PLCH2: variants seen among roughly 807,000 people sequenced by gnomAD.
PLCH2 encodes the protein phospholipase C eta 2.
A neutral mutation model predicts 134.7 loss-of-function variants in PLCH2; 98 were observed. The observed-to-expected ratio is 0.73, with a 90% CI of 0.62 to 0.86. The LOEUF is 0.86. Ranked by LOEUF, PLCH2 falls within the 40% of genes least tolerant of loss-of-function variation. PLCH2 has a pLI of 0.00. For synonymous variants in PLCH2, 974 were observed against 827.5 expected, an observed-to-expected ratio of 1.18 and a Z score of -3.04; for missense variants, 1,994 against 1,986.6, an observed-to-expected ratio of 1.00 and a Z score of -0.07.
upstream of PLCH2, among the ~76,000 whole-genome samples, chr1:2,421,879 C>T (rs1248612334): frequency 5.9e-5 from 9 of 151,962 alleles, no homozygotes; most frequent in East Asian, 7.7e-4. Flanking sequence ...GAGGCTGAGG[C>T]GGGAGAATTG....
upstream of PLCH2, among the ~76,000 whole-genome samples, chr1:2,471,846 TC>T (rs1641339392): frequency 6.6e-6 from 1 of 151,992 alleles, no homozygotes; most frequent in Non-Finnish European, 1.5e-5. Context: ...TCCGGCCTGC[TC>T]CCCTGCCGAG....
At chr1:2,440,789 C>T (rs1050110771) in intron 2 of PLCH2, among the ~76,000 whole-genome samples, 114 of 152,362 alleles carry the variant, frequency 7.5e-4, no homozygotes, top group African/African-American at 2.7e-3. Flanking sequence ...ATTTGCGTTT[C>T]GGTTTTGGCT....
At position 2,439,313 on chromosome 1, in the gene PLCH2, A is replaced by G. The variant is rs1639580477; in HGVS notation, c.115+8684A>G. On this transcript the variant is annotated intron_variant, in intron 2 of 3. Coordinates refer to the PLCH2 transcript ENST00000609981. This position sits in a 1 kb window ranked among gnomAD's most constrained non-coding sequence, Gnocchi z 4.7. ...TGCAGCAAGGTGCCTGGGGGGTCTC[A>G]GAGCAGGAGGCTCAGCCCTGCCCAC... is the stretch of plus-strand genomic sequence containing the variant. 6.6e-6 allele frequency among the ~76,000 whole-genome samples: 1 copy of G among 152,144 alleles called. No individual in the cohort carries two copies.
chr1:2,435,558 A>C (rs1639289438), intron 2 of PLCH2, among the ~76,000 whole-genome samples: 1 of 152,056 alleles, frequency 6.6e-6, no homozygotes, highest in South Asian at 2.1e-4. Flanking sequence ...GGAAGGGGCC[A>C]GGGACCTCAA....
rs1040631890 is a variant in PLCH2, at chr1:2,499,339, C to T, written c.2581+109C>T. On this transcript the variant is annotated intron_variant, in intron 19 of 21. Transcript: ENST00000378486. ...CCTGTGTAGGTGGGCCTGCACCTGG[C>T]ACCAAAGAGACAGGAGCTGAGGACG... 4 of 1,301,788 alleles carry T rather than the reference C, an allele frequency of 3.1e-6. No individual in the cohort carries two copies. The African/African-American group carries it at 4.4e-5, about 14-fold the overall frequency. 80.6% of individuals were successfully genotyped at this position (1,301,788 alleles called of 1,614,324 possible).
upstream of PLCH2, among the ~76,000 whole-genome samples, chr1:2,471,634 C>A (rs1445326358): frequency 6.6e-6 from 1 of 152,216 alleles, no homozygotes; most frequent in Non-Finnish European, 1.5e-5. Flanking sequence ...GGAGCATGAG[C>A]CTGGCTGCTG....
chr1:2,459,658 C>T (rs28449350), intron 2 of PLCH2, among the ~76,000 whole-genome samples: 1,503 of 14,168 alleles, frequency 0.11, 76 homozygotes, highest in Non-Finnish European at 0.18. Flanking sequence ...TCCGGTGGTC[C>T]TCCTTGCCTG....
At position 2,502,734 on chromosome 1, in the gene PLCH2, G is replaced by A. The variant is rs548902336; in HGVS notation, c.2959+325G>A. On this transcript the variant is annotated intron_variant, in intron 21 of 21. Coordinates refer to ENST00000378486, the MANE Select transcript of PLCH2 (RefSeq NM_014638.4). ...GGGGCCTGGAGGCAGGGTCCAGGCGGTAGCGGCTCCATGTCCTCGGACTCC... is the reference window on the plus strand; with the variant it reads ...GGGGCCTGGAGGCAGGGTCCAGGCGATAGCGGCTCCATGTCCTCGGACTCC... The A allele has an allele frequency of 1.9e-4, 135 of 716,024 alleles. 1 individual carries two copies. In the South Asian group the frequency reaches 2.0e-3, roughly 10 times the overall value. 44.4% of individuals were successfully genotyped at this position (716,024 alleles called of 1,614,324 possible).
At chr1:2,457,578 G>A (rs1222824510) in intron 2 of PLCH2, among the ~76,000 whole-genome samples, 5 of 152,164 alleles carry the variant, frequency 3.3e-5, no homozygotes, top group African/African-American at 1.2e-4. Flanking sequence ...CACCCTGGGG[G>A]AGCGGCTGAG....
chr1:2,416,249 G>A, the PLCH2 span, among the ~76,000 whole-genome samples: 1 of 152,196 alleles, frequency 6.6e-6, no homozygotes. Context: ...GGTGGGCAAA[G>A]TGGGCGCTGG....
At chr1:2,488,362 A>G (rs1190955171) in intron 8 of PLCH2, among the ~76,000 whole-genome samples, 1 of 152,182 alleles carries the variant, frequency 6.6e-6, no homozygotes, top group African/African-American at 2.4e-5. Context: ...GGGAGGAGCC[A>G]GGGGCCTGCT....
intron 2 of PLCH2, among the ~76,000 whole-genome samples, chr1:2,458,451 ACTGGC>A (rs1391922373): frequency 1.3e-5 from 2 of 152,170 alleles, no homozygotes; most frequent in African/African-American, 4.8e-5. Flanking sequence ...CCCCTTGGGC[ACTGGC>A]CTGGCCTGAC....
At position 2,486,887 on chromosome 1, in the gene PLCH2, A is replaced by G; in HGVS notation, c.817-20A>G. The stretch of plus-strand genomic sequence containing the variant: ...GGCCAGGGATGGGCTGCCTGGACTC[A>G]TGCCCCTGCTCTGGCCTAGATGGCG... On this transcript the variant is annotated intron_variant, in intron 5 of 21. Coordinates refer to ENST00000378486, the MANE Select transcript of PLCH2 (RefSeq NM_014638.4). The G allele has an allele frequency of 6.3e-7, 1 of 1,584,298 alleles. No individual in the cohort carries two copies. The highest frequency in any genetic ancestry group is 2.3e-5 in the East Asian group (1 of 43,222).
chr1:2,422,778 A>G (rs1638583525), upstream of PLCH2, among the ~76,000 whole-genome samples: 1 of 152,110 alleles, frequency 6.6e-6, no homozygotes, highest in Non-Finnish European at 1.5e-5. Flanking sequence ...CCTGGCCTCA[A>G]GTGATCCTCC....
chr1:2,476,781 TG>T, intron 1 of PLCH2, 69 bp downstream of exon 1: 1 of 1,478,454 alleles, frequency 6.8e-7, no homozygotes, highest in Non-Finnish European at 9.0e-7. Context: ...GGGTGGGGGC[TG>T]TTCCTGGAGG....
At chr1:2,435,102 C>T (rs1446483713) in intron 2 of PLCH2, among the ~76,000 whole-genome samples, 1 of 152,154 alleles carries the variant, frequency 6.6e-6, no homozygotes, top group Non-Finnish European at 1.5e-5. Flanking sequence ...CCTGGATGGT[C>T]CTGCCTGGGC....
Position 2,487,384 on chromosome 1 carries a change from C to G in PLCH2, c.1114+8C>G, listed in dbSNP as rs542077543. 3.0e-5 allele frequency: 49 copies of G among 1,610,408 alleles called. No individual in the cohort carries two copies. The East Asian group carries it at 1.0e-3, about 34-fold the overall frequency. On this transcript the variant is annotated splice_region_variant and intron_variant, in intron 7 of 21. Transcript: ENST00000378486. ...GCTGCCGCTGCGTGGAGGGTAAGCC[C>G]TGGACCTTGGGTGACGGCCGTGGGC...
In PLCH2 at chr1:2,497,554, G is replaced by C. The variant is rs1558028348; in HGVS notation, c.2169G>C (p.Lys723Asn). ...EGRMLQLNRAKFSANGGCGYV... is the reference protein window; with the variant it reads ...EGRMLQLNRANFSANGGCGYV... ...GGATGCTGCAGCTGAACCGAGCCAA[G>C]TTCAGCGCCAACGGTGGCTGCGGCT... The change falls in exon 16 of 22, where the codon AAG (lysine) becomes AAC (asparagine). Residue 723 changes from lysine to asparagine, a missense_variant. Transcript: ENST00000378486. 6.4e-7 allele frequency: 1 copy of C among 1,564,138 alleles called. No homozygotes were observed. Among genetic ancestry groups the C allele is most frequent in the African/African-American group, 1.4e-5 (1 of 73,546 alleles).
chr1:2,464,133 A>G (rs1200790455), upstream of PLCH2, among the ~76,000 whole-genome samples: 10 of 152,216 alleles, frequency 6.6e-5, no homozygotes, highest in Admixed American at 4.6e-4. Flanking sequence ...GGTGCTGCCC[A>G]CTGTCCAAGA....
Sources: gnomAD v4.1 joint callset for allele counts (sites outside exome capture counted in the v4.1 genomes callset) on GRCh38, gnomAD v4.1.1 for gene constraint, Gnocchi (gnomAD v3.1) non-coding constraint, MANE v1.5 for transcripts, NCBI Gene and HGNC (gene_info 2026-07-23, HGNC 2026-07-21) for gene names.